CNBD1: variants seen among roughly 807,000 people sequenced by gnomAD.
The protein encoded by CNBD1 is cyclic nucleotide binding domain containing 1.
Under a neutral mutation model 54.4 loss-of-function variants are expected in CNBD1, and 71 were observed. The observed-to-expected ratio is 1.30, with a 90% CI of 1.08 to 1.59. The LOEUF (loss-of-function observed/expected upper bound fraction) is 1.59. Ranked by LOEUF, CNBD1 falls within the 40% of genes most tolerant of loss-of-function variation. CNBD1 has a pLI of 0.00. For synonymous variants in CNBD1, 182 were observed against 170.7 expected, an observed-to-expected ratio of 1.07 and a Z score of -0.51; for missense variants, 659 against 518.0, an observed-to-expected ratio of 1.27 and a Z score of -2.64.
At chr8:87,328,283 A>T (rs1809729236) in intron 8 of CNBD1, among the ~76,000 whole-genome samples, 1 of 152,036 alleles carries the variant, frequency 6.6e-6, no homozygotes, top group Non-Finnish European at 1.5e-5. Context: ...TCAGTTGACA[A>T]CATATGTGTG....
At chr8:87,261,366 C>A (rs1249699483) in intron 6 of CNBD1, among the ~76,000 whole-genome samples, 1 of 151,918 alleles carries the variant, frequency 6.6e-6, no homozygotes, top group African/African-American at 2.4e-5. Flanking sequence ...TACTTTGGAT[C>A]CCACTTCTGA....
chr8:87,308,462 C>T (rs1809200971), intron 8 of CNBD1, among the ~76,000 whole-genome samples: 1 of 152,026 alleles, frequency 6.6e-6, no homozygotes, highest in African/African-American at 2.4e-5. Context: ...TTTCTTCTTT[C>T]ATGTTGATAT....
intron 10 of CNBD1, among the ~76,000 whole-genome samples, chr8:87,373,240 C>T (rs1810856575): frequency 6.6e-6 from 1 of 151,718 alleles, no homozygotes; most frequent in African/African-American, 2.4e-5. Context: ...ACCAATGATA[C>T]TTCTACTGAC....
intron 10 of CNBD1, among the ~76,000 whole-genome samples, chr8:87,371,767 G>A (rs538324563): frequency 1.5e-3 from 233 of 151,982 alleles, no homozygotes; most frequent in South Asian, 5.0e-3. Context: ...TGCAGAAAAG[G>A]CCTTTGACAA....
At chr8:87,039,514 A>G (rs555858929) in intron 4 of CNBD1, among the ~76,000 whole-genome samples, 125 of 152,138 alleles carry the variant, frequency 8.2e-4, no homozygotes, top group African/African-American at 2.8e-3. Context: ...TTTCTAAGAA[A>G]CTGCTTTTTG....
intron 4 of CNBD1, among the ~76,000 whole-genome samples, chr8:87,128,454 C>A (rs1812045361): frequency 6.6e-6 from 1 of 152,140 alleles, no homozygotes; most frequent in African/African-American, 2.4e-5. Context: ...ATGAGCCACA[C>A]CCCTGTTGCA....
intron 4 of CNBD1, among the ~76,000 whole-genome samples, chr8:87,048,230 A>G (rs1389000801): frequency 1.3e-5 from 2 of 152,130 alleles, no homozygotes; most frequent in Non-Finnish European, 2.9e-5. Flanking sequence ...TCAGCTTCCA[A>G]TGGTTGTTTT....
intron 3 of CNBD1, among the ~76,000 whole-genome samples, chr8:86,909,034 G>A (rs1024448522): frequency 5.9e-5 from 9 of 152,120 alleles, no homozygotes; most frequent in African/African-American, 2.2e-4. Flanking sequence ...GGGATTACAG[G>A]CGTGAGCCAC....
chr8:87,382,557 A>C (rs2130961143), intron 10 of CNBD1, 63 bp from the exon 11 acceptor site: 1 of 1,377,538 alleles, frequency 7.3e-7, no homozygotes, highest in East Asian at 2.5e-5. Context: ...TTCTGTAGGA[A>C]AATAATTACC....
At chr8:87,006,753 C>G (rs1430666602) in intron 4 of CNBD1, among the ~76,000 whole-genome samples, 1 of 152,188 alleles carries the variant, frequency 6.6e-6, no homozygotes, top group Non-Finnish European at 1.5e-5. Context: ...CAAACCATAT[C>G]AGATGACAAC....
At chr8:87,297,945 C>T (rs1023493778) in intron 8 of CNBD1, among the ~76,000 whole-genome samples, 31 of 151,190 alleles carry the variant, frequency 2.1e-4, no homozygotes, top group African/African-American at 7.5e-4. Context: ...TCTATATATT[C>T]TCCCTACATA....
chr8:87,327,296 G>A lies in CNBD1; in HGVS notation c.1043-24389G>A, dbSNP rs1361374614. On this transcript the variant is annotated intron_variant, in intron 8 of 10. Coordinates refer to ENST00000518476, the MANE Select transcript of CNBD1 (RefSeq NM_173538.3). ...TGCCCCCAGAGGTGGAGCCTACAGA[G>A]GCAGGCTGGCCTCCTTGAGCTGTGG... Among the ~76,000 whole-genome samples, 3 of 149,028 alleles carry A rather than the reference G, an allele frequency of 2.0e-5. No individual in the cohort carries two copies. In the East Asian group the frequency reaches 5.9e-4, roughly 29 times the overall value.
chr8:87,366,867 T>C (rs1753607959), intron 10 of CNBD1, among the ~76,000 whole-genome samples: 1 of 152,128 alleles, frequency 6.6e-6, no homozygotes, highest in Admixed American at 6.6e-5. Flanking sequence ...GTTACTGTTA[T>C]AAACTGTTTT....
At chr8:87,316,421 A>C in intron 8 of CNBD1, among the ~76,000 whole-genome samples, 1 of 152,022 alleles carries the variant, frequency 6.6e-6, no homozygotes, top group East Asian at 1.9e-4. Context: ...ATTTTCCTAG[A>C]AGTTAGAAAA....
intron 2 of CNBD1, among the ~76,000 whole-genome samples, chr8:87,418,253 G>T (rs1807868387): frequency 6.6e-6 from 1 of 151,920 alleles, no homozygotes; most frequent in Non-Finnish European, 1.5e-5. Flanking sequence ...ATGGTCAATT[G>T]ATTTTCAACA....
chr8:87,377,135 T>C (rs1276331076), intron 10 of CNBD1, among the ~76,000 whole-genome samples: 2 of 149,700 alleles, frequency 1.3e-5, no homozygotes, highest in Admixed American at 6.7e-5. Context: ...TTATTTTATT[T>C]ATTTTTTTAT....
intron 8 of CNBD1, among the ~76,000 whole-genome samples, chr8:87,332,907 A>T (rs1209833613): frequency 2.6e-5 from 4 of 152,142 alleles, no homozygotes; most frequent in Non-Finnish European, 5.9e-5. Context: ...TAATTCTGGA[A>T]GAATATCAAT....
At chr8:86,981,224 G>A (rs1808480404) in intron 4 of CNBD1, among the ~76,000 whole-genome samples, 1 of 152,172 alleles carries the variant, frequency 6.6e-6, no homozygotes, top group Non-Finnish European at 1.5e-5. Flanking sequence ...GAATGCCCAA[G>A]TATTATGGCA....
chr8:87,164,687 C>A (rs1812925549), intron 4 of CNBD1, among the ~76,000 whole-genome samples: 1 of 151,232 alleles, frequency 6.6e-6, no homozygotes, highest in Non-Finnish European at 1.5e-5. Context: ...TTTCTTTAGT[C>A]CATCTAAAGT....
Sources: allele counts gnomAD v4.1 joint callset (sites outside exome capture counted in the v4.1 genomes callset), GRCh38; gene constraint gnomAD v4.1.1; transcripts MANE v1.5; gene names NCBI Gene and HGNC (gene_info 2026-07-23, HGNC 2026-07-21).